Variants in WDFY2 observed in about 807,000 individuals in gnomAD.
WDFY2 encodes the protein WD repeat and FYVE domain-containing protein 2.
Under a neutral mutation model 56.4 loss-of-function variants are expected in WDFY2, and 36 were observed. The ratio of observed to expected loss-of-function variants is 0.64; its 90% CI spans 0.49 to 0.84. WDFY2 has a LOEUF of 0.84. WDFY2 is among the 40% of genes least tolerant of loss of function. The probability of loss-of-function intolerance (pLI) is 0.00; values close to 1 mark genes in which losing one functional copy is unlikely to be tolerated. For missense variants in WDFY2, 444 were observed against 512.2 expected (o/e 0.87, Z 1.29); for synonymous variants, 176 against 183.7 (o/e 0.96, Z 0.34).
chr13:51,651,339 A>G (rs1339790281), intron 1 of WDFY2, among the ~76,000 whole-genome samples: 1 of 151,912 alleles, frequency 6.6e-6, no homozygotes, highest in Non-Finnish European at 1.5e-5. Flanking sequence ...TGGTCTATCA[A>G]TTTTGTTGAT....
chr13:51,603,245 G>A (rs542927757), intron 1 of WDFY2, among the ~76,000 whole-genome samples: 1 of 152,266 alleles, frequency 6.6e-6, no homozygotes, highest in South Asian at 2.1e-4. Flanking sequence ...GGAGGAATTC[G>A]TAAGAGCCCA....
At chr13:51,691,411 A>C (rs1216706124) in intron 3 of WDFY2, among the ~76,000 whole-genome samples, 8 of 149,862 alleles carry the variant, frequency 5.3e-5, no homozygotes, top group African/African-American at 4.9e-5. Context: ...AGCTTTCTAC[A>C]TATGGCTAGC....
chr13:51,761,707 A>C lies in WDFY2; in HGVS notation c.*1938A>C, dbSNP rs535725003. 1.8e-4 allele frequency: 28 copies of C among 152,306 alleles called. No homozygotes were observed. The highest frequency in any genetic ancestry group is 5.3e-4 in the African/African-American group (22 of 41,560). The allele number at this position is 152,306 out of a possible 1,614,324, so 9.4% of individuals were successfully genotyped here. On this transcript the variant is annotated 3_prime_UTR_variant, in exon 12 of 12. Coordinates refer to ENST00000298125, the MANE Select transcript of WDFY2 (RefSeq NM_052950.4). ...CAAGCTGTCCTCAGGTACTGCCCCT[A>C]CGTGTGTTTCCCTGGGATGGGGCCT...
At position 51,657,597 on chromosome 13, in the gene WDFY2, A is replaced by C. The variant is rs530664401; in HGVS notation, c.138-2999A>C. On this transcript the variant is annotated intron_variant, in intron 1 of 11. Coordinates refer to ENST00000298125, the MANE Select transcript of WDFY2 (RefSeq NM_052950.4). ...AATTCCATATTGCATATGTTGGTAC[A>C]CTTGATGATGTCCCATAGGTCTCTT... Among the ~76,000 whole-genome samples, 10 of 152,224 alleles carry C rather than the reference A, an allele frequency of 6.6e-5. No homozygotes were observed. The East Asian group carries it at 1.3e-3, about 21-fold the overall frequency.
chr13:51,642,676 CTTTTTTTTT>C (rs999605077), intron 1 of WDFY2, among the ~76,000 whole-genome samples: 1 of 103,060 alleles, frequency 9.7e-6, no homozygotes, highest in Non-Finnish European at 1.9e-5. Flanking sequence ...GGGCATCTGT[CTTTTTTTTT>C]TTTTTTTTTT....
At chr13:51,712,637 G>T (rs1462284245) in intron 4 of WDFY2, among the ~76,000 whole-genome samples, 1 of 151,474 alleles carries the variant, frequency 6.6e-6, no homozygotes, top group Non-Finnish European at 1.5e-5. Context: ...ATCAGTAGAA[G>T]TTCATGAAAT....
intron 7 of WDFY2, among the ~76,000 whole-genome samples, chr13:51,745,542 C>T (rs1060562): frequency 0.27 from 40,517 of 151,630 alleles, 5,553 homozygotes; most frequent in South Asian, 0.35. Flanking sequence ...GTAAATAGAT[C>T]AGTAAAAATA....
chr13:51,653,202 A>G (rs147804000), intron 1 of WDFY2, among the ~76,000 whole-genome samples: 7,773 of 152,278 alleles, frequency 0.051, 243 homozygotes, highest in Middle Eastern at 0.086. Context: ...CGAATCGGCT[A>G]CTGAGGCTTG....
intron 5 of WDFY2, among the ~76,000 whole-genome samples, chr13:51,722,818 A>C (rs1323881475): frequency 6.6e-6 from 1 of 152,236 alleles, no homozygotes; most frequent in African/African-American, 2.4e-5. Context: ...TAGTAAATAG[A>C]AATGTGTTCC....
intron 1 of WDFY2, among the ~76,000 whole-genome samples, chr13:51,654,205 G>C (rs926250889): frequency 2.6e-5 from 4 of 152,248 alleles, no homozygotes; most frequent in African/African-American, 2.4e-5. Context: ...CTCCGAGCCA[G>C]GCGCGGGATA....
At chr13:51,618,408 G>A (rs915370474) in intron 1 of WDFY2, among the ~76,000 whole-genome samples, 1 of 152,158 alleles carries the variant, frequency 6.6e-6, no homozygotes, top group East Asian at 1.9e-4. Flanking sequence ...TTGAGTGCAG[G>A]GATTGTATCT....
chr13:51,698,510 G>A (rs1951920834), intron 3 of WDFY2, among the ~76,000 whole-genome samples: 1 of 152,180 alleles, frequency 6.6e-6, no homozygotes, highest in Non-Finnish European at 1.5e-5. Flanking sequence ...AAATAGCAGT[G>A]ATTACCTAAT....
intron 10 of WDFY2, among the ~76,000 whole-genome samples, chr13:51,757,186 T>C (rs1231363926): frequency 6.6e-6 from 1 of 152,214 alleles, no homozygotes; most frequent in Non-Finnish European, 1.5e-5. Flanking sequence ...ATATCAAATA[T>C]AAAATAAGAT....
intron 8 of WDFY2, among the ~76,000 whole-genome samples, chr13:51,753,894 G>A (rs1280867279): frequency 6.6e-6 from 1 of 151,668 alleles, no homozygotes; most frequent in Non-Finnish European, 1.5e-5. Flanking sequence ...AGACCAGCCT[G>A]GTCAACATGG....
At chr13:51,747,503 A>T (rs975363585) in intron 7 of WDFY2, among the ~76,000 whole-genome samples, 8 of 152,212 alleles carry the variant, frequency 5.3e-5, no homozygotes, top group African/African-American at 1.9e-4. Flanking sequence ...ACATGAAACA[A>T]ATGCAATTAT....
At chr13:51,728,028 T>C (rs1015510753) in intron 6 of WDFY2, among the ~76,000 whole-genome samples, 11 of 152,208 alleles carry the variant, frequency 7.2e-5, no homozygotes. Context: ...GATAATTTGG[T>C]TCTCTGTCAT....
intron 1 of WDFY2, chr13:51,585,977 T>A: frequency 2.5e-6 from 1 of 398,502 alleles, no homozygotes; most frequent in East Asian, 3.6e-5. Flanking sequence ...CATGTTCTTG[T>A]CTACATCATG....
At chr13:51,610,597 GTTATC>G (rs768900362) in intron 1 of WDFY2, among the ~76,000 whole-genome samples, 42 of 152,236 alleles carry the variant, frequency 2.8e-4, no homozygotes, top group Non-Finnish European at 4.7e-4. Flanking sequence ...ATCCAGTAAT[GTTATC>G]TTGTTTAGTA....
intron 1 of WDFY2, among the ~76,000 whole-genome samples, chr13:51,638,940 A>G (rs1343843328): frequency 2.0e-5 from 3 of 152,224 alleles, no homozygotes; most frequent in African/African-American, 7.2e-5. Context: ...TTTAGAAAAT[A>G]ATTTAGTTAC....
Sources: gnomAD v4.1 joint callset for allele counts (sites outside exome capture counted in the v4.1 genomes callset) on GRCh38, gnomAD v4.1.1 for gene constraint, MANE v1.5 for transcripts, NCBI Gene and HGNC (gene_info 2026-07-23, HGNC 2026-07-21) for gene names.